SEMA6A: variants seen among roughly 807,000 people sequenced by gnomAD.
The protein encoded by SEMA6A is semaphorin 6A, also known as semaphorin-6A.
A neutral mutation model predicts 96.8 loss-of-function variants in SEMA6A; 25 were observed. The ratio of observed to expected loss-of-function variants is 0.26; its 90% CI spans 0.19 to 0.36. The LOEUF (loss-of-function observed/expected upper bound fraction) is 0.36, where lower values mean the gene tolerates loss of function less well. Ranked by LOEUF, SEMA6A falls within the 10% of genes least tolerant of loss-of-function variation. The pLI is 1.00. For missense variants in SEMA6A, 1,363 were observed against 1,323.1 expected (o/e 1.03, Z -0.47); for synonymous variants, 612 against 518.0 (o/e 1.18, Z -2.46).
At chr5:116,524,312 TTGATTAC>T (rs1759106757) in intron 1 of SEMA6A, among the ~76,000 whole-genome samples, 1 of 152,188 alleles carries the variant, frequency 6.6e-6, no homozygotes, top group South Asian at 2.1e-4. Flanking sequence ...AATATAAATT[TTGATTAC>T]TGATTGCTGC....
intron 1 of SEMA6A, among the ~76,000 whole-genome samples, chr5:116,550,984 G>C (rs1171650465): frequency 1.3e-5 from 2 of 152,120 alleles, no homozygotes; most frequent in African/African-American, 2.4e-5. Context: ...AAGAGGTCAT[G>C]GATCAGCACC....
At chr5:116,513,204 C>A (rs1287583593) in intron 1 of SEMA6A, among the ~76,000 whole-genome samples, 1 of 152,004 alleles carries the variant, frequency 6.6e-6, no homozygotes, top group African/African-American at 2.4e-5. Context: ...CTCGGCTCAC[C>A]ACAACCTCTG....
At chr5:116,507,033 A>T (rs1305593493) in intron 1 of SEMA6A, among the ~76,000 whole-genome samples, 1 of 152,222 alleles carries the variant, frequency 6.6e-6, no homozygotes, top group Non-Finnish European at 1.5e-5. Flanking sequence ...TCTCAACCCC[A>T]GAAGCTGGCA....
At chr5:116,472,855 T>TAAAAAAAAAA (rs200871722) in intron 17 of SEMA6A, 2 of 1,158,854 alleles carry the variant, frequency 1.7e-6, no homozygotes, top group Non-Finnish European at 1.1e-6. Context: ...TTCACGAATT[T>TAAAAAAAAAA]AAAAAAAAAA....
intron 17 of SEMA6A, chr5:116,468,689 A>AC (rs1287307602): frequency 6.6e-6 from 1 of 152,184 alleles, no homozygotes; most frequent in African/African-American, 2.4e-5. Flanking sequence ...GCACAATGAT[A>AC]CCTGTTCTCT....
At chr5:116,464,028 T>G (rs1337935370) in intron 18 of SEMA6A, among the ~76,000 whole-genome samples, 1 of 152,176 alleles carries the variant, frequency 6.6e-6, no homozygotes, top group Non-Finnish European at 1.5e-5. Context: ...CTATTTGTTC[T>G]CAGTATTGTT....
chr5:116,501,386 T>C (rs2112765018), intron 3 of SEMA6A, among the ~76,000 whole-genome samples: 1 of 152,268 alleles, frequency 6.6e-6, no homozygotes, highest in African/African-American at 2.4e-5. Context: ...ATTTCCCCAA[T>C]GGATGAGTAT....
intron 18 of SEMA6A, among the ~76,000 whole-genome samples, chr5:116,463,044 ATTAAC>A (rs1480187309): frequency 2.6e-5 from 4 of 152,208 alleles, no homozygotes; most frequent in Non-Finnish European, 5.9e-5. Context: ...TAAAACAAAA[ATTAAC>A]TTAAAGCAAA....
intron 18 of SEMA6A, among the ~76,000 whole-genome samples, chr5:116,450,325 G>T (rs1001192075): frequency 2.0e-5 from 3 of 152,158 alleles, no homozygotes; most frequent in Non-Finnish European, 4.4e-5. Context: ...AATTTAGGGG[G>T]ACTGGATATT....
chr5:116,513,651 T>C (rs76414586), intron 1 of SEMA6A, among the ~76,000 whole-genome samples: 3,207 of 151,724 alleles, frequency 0.021, 43 homozygotes, highest in Non-Finnish European at 0.029. Flanking sequence ...CAGGGATACA[T>C]GGGCAGGATG....
At chr5:116,526,129 T>C (rs1393089707) in intron 1 of SEMA6A, among the ~76,000 whole-genome samples, 1 of 150,992 alleles carries the variant, frequency 6.6e-6, no homozygotes. Flanking sequence ...TCCTTTGCCT[T>C]TTCCCCCCTT....
At chr5:116,502,063 G>T in intron 3 of SEMA6A, 147 bp downstream of exon 3, 1 of 627,730 alleles carries the variant, frequency 1.6e-6, no homozygotes, top group Non-Finnish European at 2.8e-6. Context: ...TTGAAATAAT[G>T]ATTGCTTGAT....
In SEMA6A at chr5:116,443,703, G is replaced by T. The variant is rs1400586936; in HGVS notation, c.*2910C>A. The T allele has an allele frequency of 6.6e-6, 1 of 152,426 alleles. No individual in the cohort carries two copies. Among genetic ancestry groups the T allele is most frequent in the African/African-American group, 2.4e-5 (1 of 41,368 alleles). 9.4% of individuals were successfully genotyped at this position (152,426 alleles called of 1,614,324 possible). A position where few individuals can be genotyped will look rare whatever the true frequency, so the allele number is the denominator to read the frequency against. ...ATGTTAGGGGATGTGGAGATGGAAG[G>T]AAAATTGGTGACATCACAATATTTT... On this transcript the variant is annotated 3_prime_UTR_variant, in exon 19 of 19. Transcript: ENST00000343348.
chr5:116,574,323 C>T lies in SEMA6A; in HGVS notation c.-177G>A, dbSNP rs1454963176. 6.6e-6 allele frequency: 1 copy of T among 152,484 alleles called. No homozygotes were observed. Among genetic ancestry groups the T allele is most frequent in the East Asian group, 1.9e-4 (1 of 5,152 alleles). The allele number at this position is 152,484 out of a possible 1,614,324, so 9.4% of individuals were successfully genotyped here. ...TCTCCTTCGCAAGCCTTTGTCATTC[C>T]TACATGTGTGCTTGTCTCTTTGGGG... On this transcript the variant is annotated 5_prime_UTR_variant, in exon 1 of 19. The change abolishes the stop of an existing upstream ORF in the 5' untranslated region. Transcript: ENST00000343348.
chr5:116,477,715 G>T, intron 15 of SEMA6A, 131 bp downstream of exon 15: 1 of 842,714 alleles, frequency 1.2e-6, no homozygotes, highest in Non-Finnish European at 1.9e-6. Context: ...TAGGAGAAAG[G>T]CTGACAGTCC....
chr5:116,557,690 C>G (rs1306660785), intron 1 of SEMA6A, among the ~76,000 whole-genome samples: 3 of 152,134 alleles, frequency 2.0e-5, no homozygotes, highest in African/African-American at 4.8e-5. Flanking sequence ...TTTTCCAGTG[C>G]TGTCTTCTAT....
Position 116,472,857 on chromosome 5 carries a change from A to T in SEMA6A, c.1729+216T>A, listed in dbSNP as rs987298916. On this transcript the variant is annotated intron_variant, in intron 17 of 18. Coordinates refer to ENST00000343348, the MANE Select transcript of SEMA6A (RefSeq NM_020796.5). Reference sequence around the variant, plus strand: ...CTGGATGAATGACTTCACGAATTTAAAAAAAAAAAAAAAATCCGTAAACTG... The same window carrying T: ...CTGGATGAATGACTTCACGAATTTATAAAAAAAAAAAAAATCCGTAAACTG... 12 of 705,974 alleles carry T rather than the reference A, an allele frequency of 1.7e-5. No homozygotes were observed. In the East Asian group the frequency reaches 4.4e-4, roughly 26 times the overall value. The allele number at this position is 705,974 out of a possible 1,614,324, so 43.7% of individuals were successfully genotyped here.
At chr5:116,494,858 G>A (rs1199575125) in intron 6 of SEMA6A, among the ~76,000 whole-genome samples, 2 of 152,208 alleles carry the variant, frequency 1.3e-5, no homozygotes, top group African/African-American at 4.8e-5. Context: ...ACCTCTGTTA[G>A]CTGCATCAAA....
At chr5:116,540,589 T>C (rs1469079103) in intron 1 of SEMA6A, among the ~76,000 whole-genome samples, 4 of 152,186 alleles carry the variant, frequency 2.6e-5, no homozygotes, top group Non-Finnish European at 5.9e-5. Context: ...TAGAAACATA[T>C]ATGGCAAGAT....
Sources: allele counts gnomAD v4.1 joint callset (sites outside exome capture counted in the v4.1 genomes callset), GRCh38; gene constraint gnomAD v4.1.1; transcripts MANE v1.5; gene names NCBI Gene and HGNC (gene_info 2026-07-23, HGNC 2026-07-21).